The following GLCCI1 variants were observed in gnomAD, a reference collection of about 807,000 sequenced individuals.
GLCCI1 encodes glucocorticoid induced 1, also known as glucocorticoid-induced transcript 1 protein.
In GLCCI1, 24 loss-of-function variants were observed where a neutral mutation model predicts 52.2. The observed-to-expected ratio is 0.46, with a 90% CI of 0.33 to 0.65. GLCCI1 has a LOEUF of 0.65. GLCCI1 is among the 30% of genes least tolerant of loss of function. GLCCI1 has a pLI of 0.02. For missense variants in GLCCI1, 704 were observed against 701.5 expected, an observed-to-expected ratio of 1.00 and a Z score of -0.04; for synonymous variants, 310 against 276.5, an observed-to-expected ratio of 1.12 and a Z score of -1.20.
At chr7:7,981,992 G>C (rs994779223) in intron 1 of GLCCI1, 2 of 420,400 alleles carry the variant, frequency 4.8e-6, no homozygotes, top group African/African-American at 4.2e-5. Flanking sequence ...ATAAGTATGA[G>C]AAAGTTTGGA....
chr7:8,060,584 A>G (rs1782491675), intron 5 of GLCCI1, among the ~76,000 whole-genome samples: 1 of 152,246 alleles, frequency 6.6e-6, no homozygotes. Flanking sequence ...GAATCATACA[A>G]CGTGGCCTTC....
chr7:8,039,766 C>G (rs59697814), intron 3 of GLCCI1, among the ~76,000 whole-genome samples: 1 of 151,968 alleles, frequency 6.6e-6, no homozygotes, highest in Non-Finnish European at 1.5e-5. Flanking sequence ...GGAGGCCACG[C>G]GGGGTGGATC....
intron 1 of GLCCI1, among the ~76,000 whole-genome samples, chr7:7,983,256 T>C (rs1408584027): frequency 6.6e-6 from 1 of 152,060 alleles, no homozygotes; most frequent in Non-Finnish European, 1.5e-5. Context: ...TTTTAGGAAA[T>C]AGGGAGGTAT....
intron 3 of GLCCI1, among the ~76,000 whole-genome samples, chr7:8,034,482 T>G (rs1351308491): frequency 6.6e-6 from 1 of 152,154 alleles, no homozygotes; most frequent in Non-Finnish European, 1.5e-5. Flanking sequence ...ATAAAGGGCT[T>G]CTATGTAGAA....
chr7:8,071,901 A>G (rs6463757), intron 6 of GLCCI1, among the ~76,000 whole-genome samples: 5,166 of 152,310 alleles, frequency 0.034, 280 homozygotes, highest in African/African-American at 0.11. Flanking sequence ...TTGTAAAACT[A>G]TAAAAAGTTA....
At chr7:8,042,614 C>T (rs369892208) in intron 3 of GLCCI1, among the ~76,000 whole-genome samples, 143 of 152,290 alleles carry the variant, frequency 9.4e-4, no homozygotes, top group African/African-American at 3.2e-3. Flanking sequence ...ACCAGGGCAA[C>T]ATAGCAAGAC....
rs58721575 is a variant in GLCCI1, at chr7:8,039,996, CAA to C, written c.697-15421_697-15420del. Reference sequence around the variant, plus strand: ...CGGGTGACAGAGCAAGACTCTGTCTCAAAAAAAAAAAAAAAAAGAAGAAGCCC... The same window carrying C: ...CGGGTGACAGAGCAAGACTCTGTCTCAAAAAAAAAAAAAAAGAAGAAGCCC... On this transcript the variant is annotated intron_variant, in intron 3 of 7. Transcript: ENST00000223145. 1.7e-3 allele frequency among the ~76,000 whole-genome samples: 204 copies of C among 116,954 alleles called. 1 individual carries two copies. The highest frequency in any genetic ancestry group is 1.9e-3 in the Admixed American group (22 of 11,716). The allele number at this position is 116,954 out of a possible 152,430, so 76.7% of individuals were successfully genotyped here.
intron 1 of GLCCI1, 127 bp from the exon 2 acceptor site, chr7:8,003,781 G>A (rs946654806): frequency 7.0e-6 from 5 of 709,278 alleles, no homozygotes; most frequent in Non-Finnish European, 1.1e-5. Flanking sequence ...ATACAACAGG[G>A]CTATTAGTGT....
chr7:8,019,967 G>T (rs866239879), intron 2 of GLCCI1, among the ~76,000 whole-genome samples: 8 of 152,102 alleles, frequency 5.3e-5, no homozygotes, highest in Non-Finnish European at 8.8e-5. Flanking sequence ...TGCACATTTA[G>T]GTTACACTAA....
intron 7 of GLCCI1, 88 bp downstream of exon 7, chr7:8,085,105 C>T: frequency 7.0e-7 from 1 of 1,435,102 alleles, no homozygotes; most frequent in South Asian, 1.3e-5. Flanking sequence ...ATCAACTACT[C>T]TATCCAGCTG....
At chr7:8,022,794 C>T in intron 3 of GLCCI1, 1 of 236,580 alleles carries the variant, frequency 4.2e-6, no homozygotes, top group Non-Finnish European at 8.1e-6. Context: ...GTGAACAAGT[C>T]TAAATTTACC....
chr7:8,061,799 T>A (rs1434923634), intron 5 of GLCCI1, among the ~76,000 whole-genome samples: 1 of 151,208 alleles, frequency 6.6e-6, no homozygotes, highest in East Asian at 2.0e-4. Context: ...CCTGAGTAGC[T>A]GGGATTACAG....
chr7:7,983,868 G>C (rs1228981055), intron 1 of GLCCI1, among the ~76,000 whole-genome samples: 11 of 152,148 alleles, frequency 7.2e-5, no homozygotes. Flanking sequence ...CACTGATTTA[G>C]ACTTTCACAC....
Position 7,969,571 on chromosome 7 carries a change from G to A in GLCCI1, c.221G>A (p.Arg74Gln), listed in dbSNP as rs770228032. The stretch of plus-strand genomic sequence containing the variant: ...GCCACGGTGCCCTACCAGCTCTTGC[G>A]GGGCAGCCAGCACAGTCCCACGCGT... ...IRATVPYQLL[R>Q]GSQHSPTRPP... The change falls in exon 1 of 8, where the codon CGG (arginine) becomes CAG (glutamine). Residue 74 changes from arginine to glutamine, a missense_variant. Arg to Gln is a conservative substitution (Grantham distance 43, BLOSUM62 1). Coordinates refer to ENST00000223145, the MANE Select transcript of GLCCI1 (RefSeq NM_138426.4). The surrounding 1 kb of genome is among the most constrained non-coding windows in gnomAD (Gnocchi z 4.9). 62 of 1,012,552 alleles carry A rather than the reference G, an allele frequency of 6.1e-5. No individual in the cohort carries two copies. The South Asian group carries it at 2.1e-3, about 35-fold the overall frequency. The allele number at this position is 1,012,552 out of a possible 1,614,324, so 62.7% of individuals were successfully genotyped here.
chr7:7,986,224 C>T (rs193218550), intron 1 of GLCCI1, among the ~76,000 whole-genome samples: 1 of 152,204 alleles, frequency 6.6e-6, no homozygotes, highest in East Asian at 1.9e-4. Context: ...AAAAAGTGAC[C>T]TAGTGTGGCC....
At chr7:8,057,902 A>G (rs1006487516) in intron 4 of GLCCI1, among the ~76,000 whole-genome samples, 4 of 152,204 alleles carry the variant, frequency 2.6e-5, no homozygotes, top group African/African-American at 4.8e-5. Context: ...TTTGCTATAC[A>G]TACTGGAATA....
chr7:8,077,221 T>G (rs1337167614), intron 6 of GLCCI1, among the ~76,000 whole-genome samples: 1 of 152,220 alleles, frequency 6.6e-6, no homozygotes, highest in African/African-American at 2.4e-5. Flanking sequence ...AGGGAATCTG[T>G]TGGAGTTTTC....
chr7:8,030,777 C>T (rs559771186), intron 3 of GLCCI1, among the ~76,000 whole-genome samples: 4 of 152,074 alleles, frequency 2.6e-5, no homozygotes, highest in South Asian at 4.1e-4. Context: ...AACAGGCATA[C>T]GAAAAGGTGC....
intron 2 of GLCCI1, among the ~76,000 whole-genome samples, chr7:8,011,972 C>T (rs1583970628): frequency 6.6e-6 from 1 of 151,908 alleles, no homozygotes; most frequent in African/African-American, 2.4e-5. Context: ...CACGCCACCA[C>T]GCCCAGCTAA....
Sources: allele counts gnomAD v4.1 joint callset (sites outside exome capture counted in the v4.1 genomes callset), GRCh38; gene constraint gnomAD v4.1.1; non-coding constraint Gnocchi (gnomAD v3.1); transcripts MANE v1.5; gene names NCBI Gene and HGNC (gene_info 2026-07-23, HGNC 2026-07-21).